Variants in NRG3 observed in about 807,000 individuals in gnomAD.
NRG3 encodes pro-neuregulin-3, membrane-bound isoform.
In NRG3, 31 loss-of-function variants were observed where a neutral mutation model predicts 66.9. That is an observed-to-expected ratio of 0.46 (90% CI 0.35 to 0.63). The LOEUF (loss-of-function observed/expected upper bound fraction) is 0.63. Among genes scored for constraint, NRG3 ranks in the 20% least tolerant of loss-of-function variants. The pLI is 0.00. For synonymous variants in NRG3, 393 were observed against 359.4 expected, an observed-to-expected ratio of 1.09 and a Z score of -1.06; for missense variants, 910 against 878.9, an observed-to-expected ratio of 1.04 and a Z score of -0.45.
chr10:82,877,054 C>A (rs1434727038), intron 4 of NRG3, among the ~76,000 whole-genome samples: 1 of 151,350 alleles, frequency 6.6e-6, no homozygotes, highest in Non-Finnish European at 1.5e-5. Flanking sequence ...GAAAGTAATT[C>A]TCAGAGTTAT....
At chr10:82,394,162 A>T (rs952128655) in intron 2 of NRG3, among the ~76,000 whole-genome samples, 2 of 152,190 alleles carry the variant, frequency 1.3e-5, no homozygotes, top group Non-Finnish European at 2.9e-5. Flanking sequence ...AAGCCTAAAC[A>T]GAGCATTTCC....
At chr10:82,728,363 C>T (rs1378589230) in intron 2 of NRG3, among the ~76,000 whole-genome samples, 9 of 152,100 alleles carry the variant, frequency 5.9e-5, no homozygotes, top group Non-Finnish European at 1.2e-4. Flanking sequence ...GTAATTGAAT[C>T]GTGGGGTCTG....
rs1376538813 is a variant in NRG3, at chr10:81,890,440, T to C, written c.823+14277T>C. Among the ~76,000 whole-genome samples the C allele has an allele frequency of 2.0e-5, 3 of 152,264 alleles. No individual in the cohort carries two copies. The East Asian group carries it at 5.8e-4, about 29-fold the overall frequency. ...TTGAGCACTGATATAAAAAGAAATA[T>C]TAAAAAGCAAGCAGAGTAATGTTAA... is the stretch of plus-strand genomic sequence containing the variant. On this transcript the variant is annotated intron_variant, in intron 1 of 8. Coordinates refer to ENST00000372141, the MANE Select transcript of NRG3 (RefSeq NM_001010848.4).
intron 2 of NRG3, among the ~76,000 whole-genome samples, chr10:82,578,328 T>G (rs1362379902): frequency 1.4e-5 from 2 of 147,658 alleles, no homozygotes; most frequent in African/African-American, 4.9e-5. Context: ...CATTGATATT[T>G]TAGCCTAGAT....
intron 3 of NRG3, 150 bp from the exon 4 acceptor site, chr10:82,865,261 A>T (rs575062813): frequency 3.0e-6 from 2 of 666,124 alleles, no homozygotes; most frequent in Admixed American, 2.8e-5. Context: ...TCTGTAATGT[A>T]TCTTTTCTAA....
At chr10:82,237,797 A>T (rs1179198395) in intron 1 of NRG3, among the ~76,000 whole-genome samples, 2 of 152,168 alleles carry the variant, frequency 1.3e-5, no homozygotes, top group African/African-American at 4.8e-5. Context: ...ACATGACTTT[A>T]AGAAGATAAT....
chr10:82,742,233 G>T (rs1256784178), intron 3 of NRG3, among the ~76,000 whole-genome samples: 1 of 152,032 alleles, frequency 6.6e-6, no homozygotes, highest in African/African-American at 2.4e-5. Flanking sequence ...TCAGAAATGT[G>T]TATCTTTTAC....
chr10:82,852,469 T>G (rs1036618196), intron 3 of NRG3, among the ~76,000 whole-genome samples: 2 of 151,844 alleles, frequency 1.3e-5, no homozygotes, highest in Admixed American at 1.3e-4. Context: ...AATTAAAAAC[T>G]AATAATAGTA....
At chr10:82,106,415 C>G (rs942880574) in intron 1 of NRG3, among the ~76,000 whole-genome samples, 1 of 152,110 alleles carries the variant, frequency 6.6e-6, no homozygotes, top group Non-Finnish European at 1.5e-5. Flanking sequence ...GCTTATAAAC[C>G]CAGGATCCCT....
intron 2 of NRG3, among the ~76,000 whole-genome samples, chr10:82,445,124 G>A (rs960920082): frequency 2.0e-5 from 3 of 147,146 alleles, no homozygotes; most frequent in Admixed American, 6.7e-5. Context: ...CTTCATAGAG[G>A]CTGTCCCCAT....
At chr10:82,537,245 C>G (rs1847896502) in intron 2 of NRG3, among the ~76,000 whole-genome samples, 1 of 152,078 alleles carries the variant, frequency 6.6e-6, no homozygotes, top group Non-Finnish European at 1.5e-5. Context: ...TAGGTCAATT[C>G]ATTTACAAAT....
At chr10:82,127,471 C>T (rs74796564) in intron 1 of NRG3, among the ~76,000 whole-genome samples, 2,607 of 152,096 alleles carry the variant, frequency 0.017, 87 homozygotes, top group African/African-American at 0.059. Context: ...GCCCTTTAGT[C>T]CCTTGAGAAG....
chr10:82,572,717 A>C (rs578253795), intron 2 of NRG3, among the ~76,000 whole-genome samples: 1 of 151,810 alleles, frequency 6.6e-6, no homozygotes, highest in Admixed American at 6.6e-5. Flanking sequence ...AAAAATGTGA[A>C]TACCTGATCA....
At chr10:82,007,319 C>G (rs2061411930) in intron 1 of NRG3, among the ~76,000 whole-genome samples, 1 of 150,142 alleles carries the variant, frequency 6.7e-6, no homozygotes, top group African/African-American at 2.4e-5. Flanking sequence ...AGGTGATTCT[C>G]CTGCCTCAGC....
intron 2 of NRG3, among the ~76,000 whole-genome samples, chr10:82,424,986 A>G (rs561269820): frequency 6.6e-6 from 1 of 152,180 alleles, no homozygotes; most frequent in South Asian, 2.1e-4. Context: ...AATCTATTCC[A>G]TTGATCTATA....
At chr10:82,453,818 T>C (rs1197693268) in intron 2 of NRG3, among the ~76,000 whole-genome samples, 1 of 152,176 alleles carries the variant, frequency 6.6e-6, no homozygotes, top group African/African-American at 2.4e-5. Context: ...GTTGTTTTTA[T>C]TAGAGTTGAA....
intron 2 of NRG3, among the ~76,000 whole-genome samples, chr10:82,608,560 T>C (rs1448762717): frequency 6.6e-6 from 1 of 152,124 alleles, no homozygotes; most frequent in Non-Finnish European, 1.5e-5. Flanking sequence ...TGGTGGTAAA[T>C]TGTTTGGGGA....
intron 3 of NRG3, among the ~76,000 whole-genome samples, chr10:82,863,722 G>A (rs182119540): frequency 1.3e-5 from 2 of 151,882 alleles, no homozygotes; most frequent in African/African-American, 4.8e-5. Context: ...TTTATTCTTT[G>A]TATTGCACAT....
intron 1 of NRG3, among the ~76,000 whole-genome samples, chr10:82,214,898 ACTTT>A (rs1203679635): frequency 6.6e-6 from 1 of 152,152 alleles, no homozygotes; most frequent in African/African-American, 2.4e-5. Flanking sequence ...AGAAATGTAG[ACTTT>A]CTGTTTTTTC....
Sources: gnomAD v4.1 joint callset for allele counts (sites outside exome capture counted in the v4.1 genomes callset) on GRCh38, gnomAD v4.1.1 for gene constraint, MANE v1.5 for transcripts, NCBI Gene and HGNC (gene_info 2026-07-23, HGNC 2026-07-21) for gene names.